PLXNA4: variants seen among roughly 807,000 people sequenced by gnomAD.
PLXNA4 encodes plexin A4.
PLXNA4 carries 44 observed loss-of-function variants against 191.8 expected under a neutral mutation model. The ratio of observed to expected loss-of-function variants is 0.23; its 90% CI spans 0.18 to 0.29. The LOEUF is 0.29. PLXNA4 is among the 10% of genes least tolerant of loss of function. The pLI, the probability that PLXNA4 is intolerant of heterozygous loss-of-function variation, is 1.00. For synonymous variants in PLXNA4, 1,082 were observed against 1,009.5 expected (o/e 1.07, Z -1.36); for missense variants, 1,800 against 2,488.8 (o/e 0.72, Z 5.89).
intron 2 of PLXNA4, among the ~76,000 whole-genome samples, chr7:132,494,512 G>A (rs981635117): frequency 6.6e-5 from 10 of 152,112 alleles, no homozygotes; most frequent in Non-Finnish European, 1.2e-4. Flanking sequence ...ATCCCGACTC[G>A]GGAGCAGGAC....
intron 4 of PLXNA4, among the ~76,000 whole-genome samples, chr7:132,266,663 G>A (rs752789859): frequency 1.3e-5 from 2 of 152,208 alleles, no homozygotes; most frequent in Non-Finnish European, 2.9e-5. Context: ...TGCCCACAGA[G>A]GTGCAAGGGC....
At chr7:132,268,497 G>A (rs547619662) in intron 4 of PLXNA4, among the ~76,000 whole-genome samples, 1 of 152,284 alleles carries the variant, frequency 6.6e-6, no homozygotes, top group South Asian at 2.1e-4. Flanking sequence ...TCACTGGTCT[G>A]CTCATGAGAC....
intron 5 of PLXNA4, 114 bp from the exon 6 acceptor site, chr7:132,228,583 GC>G: frequency 7.4e-7 from 1 of 1,350,680 alleles, no homozygotes; most frequent in Non-Finnish European, 1.0e-6. Flanking sequence ...AACTCAATGC[GC>G]CCAGAGCTAA....
chr7:132,227,287 G>A (rs1230220956), intron 7 of PLXNA4, among the ~76,000 whole-genome samples, 164 bp downstream of exon 7: 1 of 152,202 alleles, frequency 6.6e-6, no homozygotes, highest in Non-Finnish European at 1.5e-5. Context: ...GCAATGGAGG[G>A]AGATCCCATC....
chr7:132,361,313 T>G (rs548724990), intron 3 of PLXNA4, among the ~76,000 whole-genome samples: 1 of 152,230 alleles, frequency 6.6e-6, no homozygotes, highest in African/African-American at 2.4e-5. Flanking sequence ...ACTCACTGCT[T>G]GGAGAACAGA....
rs773122857 is a variant in PLXNA4, at chr7:132,188,997, A to AG, written c.2857-1391dup. Among the ~76,000 whole-genome samples, 139 of 45,590 alleles carry AG rather than the reference A, an allele frequency of 3.0e-3. 1 individual carries two copies. Among genetic ancestry groups the AG allele is most frequent in the East Asian group, 0.029 (42 of 1,470 alleles). The allele number at this position is 45,590 out of a possible 152,430, so 29.9% of individuals were successfully genotyped here. A position where few individuals can be genotyped will look rare whatever the true frequency, so the allele number is the denominator to read the frequency against. On this transcript the variant is annotated intron_variant, in intron 14 of 31. Coordinates refer to ENST00000321063, the MANE Select transcript of PLXNA4 (RefSeq NM_020911.2). ...AGGAAAGGAAAGGAAAGGAAAGGAG[A>AG]GAGAGAGAGAGAGAGAGAGAGAGAG...
At chr7:132,245,061 CA>C (rs1799002472) in intron 4 of PLXNA4, among the ~76,000 whole-genome samples, 1 of 152,152 alleles carries the variant, frequency 6.6e-6, no homozygotes, top group Admixed American at 6.5e-5. Flanking sequence ...CCCTGGAACA[CA>C]AACCACTCCA....
chr7:132,528,164 A>G (rs1263438213), intron 1 of PLXNA4, among the ~76,000 whole-genome samples: 1 of 152,230 alleles, frequency 6.6e-6, no homozygotes, highest in Non-Finnish European at 1.5e-5. Flanking sequence ...CAGAGTAAGC[A>G]GCATGAGTGC....
At chr7:132,541,664 C>T (rs1800093268) in intron 1 of PLXNA4, among the ~76,000 whole-genome samples, 1 of 152,254 alleles carries the variant, frequency 6.6e-6, no homozygotes, top group African/African-American at 2.4e-5. Flanking sequence ...TTGCCCACGT[C>T]AGTGAAATAG....
chr7:132,599,484 T>A (rs953710862), intron 2 of PLXNA4, among the ~76,000 whole-genome samples: 2 of 152,338 alleles, frequency 1.3e-5, no homozygotes, highest in Admixed American at 1.3e-4. Context: ...TTATTACTAA[T>A]GAGAATAACA....
intron 3 of PLXNA4, among the ~76,000 whole-genome samples, chr7:132,411,915 T>G (rs1403739014): frequency 6.6e-6 from 1 of 152,136 alleles, no homozygotes; most frequent in South Asian, 2.1e-4. Flanking sequence ...CCCCAGACAT[T>G]TCTGAAATGG....
intron 3 of PLXNA4, among the ~76,000 whole-genome samples, chr7:132,389,112 G>T (rs1805285446): frequency 6.6e-6 from 1 of 152,038 alleles, no homozygotes; most frequent in African/African-American, 2.4e-5. Flanking sequence ...TTTTTGATTG[G>T]GTTGTTTTTT....
intron 10 of PLXNA4, among the ~76,000 whole-genome samples, chr7:132,206,074 A>G (rs1002927633): frequency 2.6e-5 from 4 of 152,164 alleles, no homozygotes; most frequent in African/African-American, 9.7e-5. Context: ...AGACACACAC[A>G]GTTCCACAAA....
At chr7:132,491,363 G>T (rs1482292347) in intron 2 of PLXNA4, among the ~76,000 whole-genome samples, 1 of 152,214 alleles carries the variant, frequency 6.6e-6, no homozygotes, top group Admixed American at 6.5e-5. Context: ...CCTGGCCCCA[G>T]CAGGCTCCTC....
chr7:132,392,441 C>T (rs1336196930), intron 3 of PLXNA4, among the ~76,000 whole-genome samples: 3 of 152,190 alleles, frequency 2.0e-5, no homozygotes, highest in African/African-American at 7.2e-5. Flanking sequence ...CTGTTTCTCC[C>T]AATCTGTCCT....
Position 132,469,762 on chromosome 7 carries a change from T to A in PLXNA4, c.1371+19530A>T, listed in dbSNP as rs188799798. Among the ~76,000 whole-genome samples, 35 of 152,348 alleles carry A rather than the reference T, an allele frequency of 2.3e-4. No individual in the cohort carries two copies. In the East Asian group the frequency reaches 6.7e-3, roughly 29 times the overall value. ...AGACCACTTTTTCCTTATTTGATCA[T>A]CACATACTGCCTAAAATCACATCTT... On this transcript the variant is annotated intron_variant, in intron 3 of 31. Coordinates refer to ENST00000321063, the MANE Select transcript of PLXNA4 (RefSeq NM_020911.2).
At chr7:132,507,068 C>T (rs535664520) in intron 2 of PLXNA4, among the ~76,000 whole-genome samples, 3 of 152,328 alleles carry the variant, frequency 2.0e-5, no homozygotes, top group African/African-American at 7.2e-5. Context: ...TCCTCTCCTT[C>T]TACCATATGG....
intron 3 of PLXNA4, among the ~76,000 whole-genome samples, chr7:132,337,184 C>A (rs746835544): frequency 1.3e-5 from 2 of 152,210 alleles, no homozygotes; most frequent in Non-Finnish European, 2.9e-5. Flanking sequence ...ATAATTTCTC[C>A]CCCATAAAGG....
intron 10 of PLXNA4, among the ~76,000 whole-genome samples, chr7:132,204,150 T>C (rs1297131858): frequency 1.3e-5 from 2 of 151,546 alleles, no homozygotes; most frequent in African/African-American, 4.8e-5. Flanking sequence ...GTTGTGCTCC[T>C]GTCCTCGGAG....
Sources: allele counts gnomAD v4.1 joint callset (sites outside exome capture counted in the v4.1 genomes callset), GRCh38; gene constraint gnomAD v4.1.1; transcripts MANE v1.5; gene names NCBI Gene and HGNC (gene_info 2026-07-23, HGNC 2026-07-21).